RTN1: variants seen among roughly 807,000 people sequenced by gnomAD.
RTN1 encodes reticulon-1.
RTN1 carries 25 observed loss-of-function variants against 65.5 expected under a neutral mutation model. The observed-to-expected ratio is 0.38, with a 90% CI of 0.28 to 0.53. The LOEUF (loss-of-function observed/expected upper bound fraction) is 0.53, where lower values mean the gene tolerates loss of function less well. Among genes scored for constraint, RTN1 ranks in the 20% least tolerant of loss-of-function variants. The pLI is 0.79. For synonymous variants in RTN1, 471 were observed against 447.6 expected, an observed-to-expected ratio of 1.05 and a Z score of -0.66; for missense variants, 983 against 1,025.4, an observed-to-expected ratio of 0.96 and a Z score of 0.57.
chr14:59,833,128 A>G (rs1887155267), intron 1 of RTN1, among the ~76,000 whole-genome samples: 2 of 152,250 alleles, frequency 1.3e-5, no homozygotes, highest in African/African-American at 4.8e-5. Context: ...ACACATCAGG[A>G]AGCATCTTTA....
intron 1 of RTN1, among the ~76,000 whole-genome samples, chr14:59,859,975 T>C (rs1002201238): frequency 6.6e-6 from 1 of 152,142 alleles, no homozygotes; most frequent in Non-Finnish European, 1.5e-5. Context: ...AAACAGAGCA[T>C]AAAAGTTCGG....
rs1275499079 is a variant in RTN1, at chr14:59,749,238, C to CTA, written c.242-2759_242-2758dup. Reference sequence around the variant, plus strand: ...TATATATCTATATATCTATATATATCTATATATATCTATATATCTATATAT... The same window carrying CTA: ...TATATATCTATATATCTATATATATCTATATATATATCTATATATCTATATAT... On this transcript the variant is annotated intron_variant, in intron 1 of 8. Transcript: ENST00000267484. Among the ~76,000 whole-genome samples, 33 of 53,210 alleles carry CTA rather than the reference C, an allele frequency of 6.2e-4. 1 individual carries two copies. Among genetic ancestry groups the CTA allele is most frequent in the African/African-American group, 4.8e-3 (31 of 6,442 alleles). 34.9% of individuals were successfully genotyped at this position (53,210 alleles called of 152,430 possible).
rs1312144671 is a variant in RTN1 at position 59,727,660 on chromosome 14, C to A, written c.1024G>T (p.Ala342Ser). 4 of 1,600,976 alleles carry A rather than the reference C, an allele frequency of 2.5e-6. No individual in the cohort carries two copies. The highest frequency in any genetic ancestry group is 3.4e-6 in the Non-Finnish European group (4 of 1,173,210). Reference sequence around the variant, plus strand: ...CTGCCTTTCCCCTGGGATTCTGCAGCAGATGGTTCTGTCGTCCCACAGAGC... The same window carrying A: ...CTGCCTTTCCCCTGGGATTCTGCAGAAGATGGTTCTGTCGTCCCACAGAGC... Reference protein sequence around the residue: ...TPPSSGTEPSAAESQGKGSIS... With the variant: ...TPPSSGTEPSSAESQGKGSIS... The change falls in exon 3 of 9, where the codon GCT becomes TCT. Residue 342 changes from alanine (A) to serine (S), a missense_variant. This residue lies in a region of RTN1 where 818 missense variants were observed against 801.8 expected (regional missense o/e 1.02). Transcript: ENST00000267484. The surrounding 1 kb of genome is among the most constrained non-coding windows in gnomAD (Gnocchi z 4.2).
chr14:59,819,665 G>A (rs758042244), intron 1 of RTN1, among the ~76,000 whole-genome samples: 3 of 152,090 alleles, frequency 2.0e-5, no homozygotes, highest in Admixed American at 6.5e-5. Flanking sequence ...CGCCCGTCGG[G>A]GAGGCTGGGG....
chr14:59,636,149 C>G (rs931048427), intron 3 of RTN1, among the ~76,000 whole-genome samples: 1 of 152,028 alleles, frequency 6.6e-6, no homozygotes, highest in Admixed American at 6.5e-5. Context: ...AATGCTATAC[C>G]GAGTGATGTG....
intron 3 of RTN1, among the ~76,000 whole-genome samples, chr14:59,694,262 T>C (rs1486632929): frequency 6.6e-6 from 1 of 152,180 alleles, no homozygotes; most frequent in Non-Finnish European, 1.5e-5. Flanking sequence ...GTGAAAGTAA[T>C]GCTAGTGTAA....
chr14:59,721,081 A>C (rs1884637579), intron 3 of RTN1, among the ~76,000 whole-genome samples: 1 of 152,234 alleles, frequency 6.6e-6, no homozygotes, highest in African/African-American at 2.4e-5. Context: ...ATTTTAGGAC[A>C]GAAGTAATAT....
intron 1 of RTN1, among the ~76,000 whole-genome samples, chr14:59,750,363 ATATTATATCTATATATT>A (rs1566713711): frequency 9.1e-5 from 4 of 44,092 alleles, no homozygotes; most frequent in Non-Finnish European, 1.3e-4. Context: ...TTATATCTAT[ATATTATATCTATATATT>A]ATATATTATA....
chr14:59,715,251 C>T (rs577699443), intron 3 of RTN1, among the ~76,000 whole-genome samples: 2 of 152,314 alleles, frequency 1.3e-5, no homozygotes, highest in Non-Finnish European at 2.9e-5. Context: ...AAGGCTGGAA[C>T]CTCAAAAGTG....
chr14:59,759,082 A>G (rs1885697098), intron 1 of RTN1, among the ~76,000 whole-genome samples: 2 of 152,182 alleles, frequency 1.3e-5, no homozygotes, highest in Admixed American at 6.5e-5. Context: ...CCCATATGGC[A>G]CATCATATAT....
intron 5 of RTN1, 193 bp from the exon 6 acceptor site, chr14:59,604,114 G>A (rs1484177608): frequency 5.1e-6 from 2 of 394,414 alleles, no homozygotes; most frequent in Non-Finnish European, 9.6e-6. Context: ...GGAACTATTT[G>A]GATCACTTTG....
At chr14:59,622,296 G>A (rs1161759146) in intron 3 of RTN1, among the ~76,000 whole-genome samples, 2 of 152,164 alleles carry the variant, frequency 1.3e-5, no homozygotes, top group South Asian at 2.1e-4. Flanking sequence ...AGCCAAGATC[G>A]AGCCGCTGCA....
intron 3 of RTN1, among the ~76,000 whole-genome samples, chr14:59,652,482 C>G (rs1594654867): frequency 6.6e-6 from 1 of 152,136 alleles, no homozygotes; most frequent in Admixed American, 6.5e-5. Flanking sequence ...TATACATCAT[C>G]AAATACTATG....
chr14:59,672,631 T>A (rs1349572147), intron 3 of RTN1, among the ~76,000 whole-genome samples: 1 of 113,672 alleles, frequency 8.8e-6, no homozygotes, highest in South Asian at 3.0e-4. Flanking sequence ...ATTTCTTTTT[T>A]TTTTTTTTTT....
intron 3 of RTN1, among the ~76,000 whole-genome samples, chr14:59,622,452 T>G (rs1407378090): frequency 1.3e-5 from 2 of 152,156 alleles, no homozygotes; most frequent in African/African-American, 4.8e-5. Flanking sequence ...CTGTTGAAAT[T>G]TATTTACTTT....
At chr14:59,660,343 T>A (rs963402374) in intron 3 of RTN1, among the ~76,000 whole-genome samples, 2 of 151,946 alleles carry the variant, frequency 1.3e-5, no homozygotes, top group East Asian at 3.9e-4. Flanking sequence ...ACACAGAAAA[T>A]TAACAAGGAT....
At chr14:59,844,368 ACT>A (rs1887369069) in intron 1 of RTN1, among the ~76,000 whole-genome samples, 1 of 152,186 alleles carries the variant, frequency 6.6e-6, no homozygotes, top group East Asian at 1.9e-4. Context: ...ATTTTTTCTC[ACT>A]GTCTCGAAAG....
At chr14:59,683,578 T>G (rs1048027335) in intron 3 of RTN1, among the ~76,000 whole-genome samples, 4 of 152,146 alleles carry the variant, frequency 2.6e-5, no homozygotes, top group Non-Finnish European at 5.9e-5. Context: ...CCACAACTTC[T>G]GAAAACTTTC....
chr14:59,696,253 G>T (rs921268199), intron 3 of RTN1, among the ~76,000 whole-genome samples: 1 of 152,180 alleles, frequency 6.6e-6, no homozygotes, highest in Non-Finnish European at 1.5e-5. Flanking sequence ...AAAAGCTGCA[G>T]GCTCATTGCT....
Sources: gnomAD v4.1 joint callset for allele counts (sites outside exome capture counted in the v4.1 genomes callset) on GRCh38, gnomAD v4.1.1 for gene constraint, gnomAD v4.1.1 regional missense constraint, Gnocchi (gnomAD v3.1) non-coding constraint, MANE v1.5 for transcripts, NCBI Gene and HGNC (gene_info 2026-07-23, HGNC 2026-07-21) for gene names.